The following ASCC1 variants were observed in gnomAD, a reference collection of about 807,000 sequenced individuals.
The protein encoded by ASCC1 is activating signal cointegrator 1 complex subunit 1.
A neutral mutation model predicts 46.6 loss-of-function variants in ASCC1; 35 were observed. That is an observed-to-expected ratio of 0.75 (90% CI 0.57 to 0.99). The LOEUF (loss-of-function observed/expected upper bound fraction) is 0.99, where lower values mean the gene tolerates loss of function less well. ASCC1 is among the 50% of genes least tolerant of loss of function. The pLI, the probability that ASCC1 is intolerant of heterozygous loss-of-function variation, is 0.00. For missense variants in ASCC1, 376 were observed against 428.7 expected (o/e 0.88, Z 1.09); for synonymous variants, 143 against 146.6 (o/e 0.98, Z 0.18).
intron 8 of ASCC1, among the ~76,000 whole-genome samples, chr10:72,131,873 ATTTTTTTTT>A (rs914278355): frequency 6.1e-5 from 7 of 114,960 alleles, no homozygotes; most frequent in Admixed American, 3.7e-4. Flanking sequence ...CTCTAGATAG[ATTTTTTTTT>A]TTTTTTTTTT....
chr10:72,110,025 A>T (rs530559125), intron 9 of ASCC1, among the ~76,000 whole-genome samples: 2 of 152,318 alleles, frequency 1.3e-5, no homozygotes, highest in Non-Finnish European at 2.9e-5. Context: ...TTACCTGACA[A>T]AACTGCCCCT....
At chr10:72,107,052 A>G (rs1472029302) in intron 9 of ASCC1, among the ~76,000 whole-genome samples, 2 of 152,214 alleles carry the variant, frequency 1.3e-5, no homozygotes, top group Non-Finnish European at 2.9e-5. Context: ...GGAAGATCCC[A>G]ATTGCAAAAC....
At chr10:72,138,546 C>T (rs1589303135) in intron 7 of ASCC1, among the ~76,000 whole-genome samples, 1 of 151,742 alleles carries the variant, frequency 6.6e-6, no homozygotes, top group Non-Finnish European at 1.5e-5. Context: ...GACAGAGGAA[C>T]CAGAATCCAA....
intron 9 of ASCC1, among the ~76,000 whole-genome samples, chr10:72,104,546 G>A (rs1270218139): frequency 6.6e-6 from 1 of 152,114 alleles, no homozygotes; most frequent in Non-Finnish European, 1.5e-5. Flanking sequence ...GAAAGTAACA[G>A]ACCTAACAGG....
At chr10:72,153,823 GT>G (rs1848649117) in intron 6 of ASCC1, among the ~76,000 whole-genome samples, 3 of 151,574 alleles carry the variant, frequency 2.0e-5, no homozygotes, top group Admixed American at 2.0e-4. Context: ...CTAGATTCAA[GT>G]GATTCTCCTG....
chr10:72,160,781 TAA>T (rs568875489), intron 6 of ASCC1, among the ~76,000 whole-genome samples: 17,289 of 132,150 alleles, frequency 0.13, 3,371 homozygotes, highest in African/African-American at 0.42. Flanking sequence ...TTATTTGTAT[TAA>T]AAAAAAAAAA....
intron 7 of ASCC1, chr10:72,134,185 C>T (rs1458995564): frequency 2.0e-5 from 3 of 152,234 alleles, no homozygotes; most frequent in Non-Finnish European, 4.4e-5. Flanking sequence ...CATCCCAGCA[C>T]TTTGGGAGGC....
chr10:72,176,162 C>T (rs1291295191), intron 5 of ASCC1, among the ~76,000 whole-genome samples: 1 of 152,114 alleles, frequency 6.6e-6, no homozygotes, highest in South Asian at 2.1e-4. Flanking sequence ...TGGAATATAT[C>T]CCCTCCTGAA....
chr10:72,172,774 T>TTTTTATATTATATATTATATATTATA (rs1564694207), intron 5 of ASCC1, among the ~76,000 whole-genome samples: 17 of 51,734 alleles, frequency 3.3e-4, no homozygotes, highest in South Asian at 1.3e-3. Flanking sequence ...ATATATTATA[T>TTTTTATATTATATATTATATATTATA]TTTTTATATT....
Position 72,097,364 on chromosome 10 carries a change from G to T in ASCC1, c.1044C>A (p.Tyr348Ter). The T allele has an allele frequency of 6.2e-7, 1 of 1,613,402 alleles. No homozygotes were observed. Among genetic ancestry groups the T allele is most frequent in the Non-Finnish European group, 8.5e-7 (1 of 1,179,396 alleles). ...AGAAGTCAATTTGTCCACAGGAAGCGTAGTTTCCAAAGCTGTCTACGGTGA... is the reference window on the plus strand; with the variant it reads ...AGAAGTCAATTTGTCCACAGGAAGCTTAGTTTCCAAAGCTGTCTACGGTGA... ...QRFTVDSFGN[Y>*]ASCGQIDFS Residue 348 changes from tyrosine to a stop codon, truncating the protein, a stop_gained, in exon 10 of 10, where the codon TAC (tyrosine) becomes TAA (stop). Transcript: ENST00000672957. LOFTEE classifies it high-confidence loss of function.
chr10:72,173,102 T>A (rs575021990), intron 5 of ASCC1, among the ~76,000 whole-genome samples: 1 of 150,438 alleles, frequency 6.6e-6, no homozygotes, highest in African/African-American at 2.4e-5. Context: ...ACTTAACTAG[T>A]AGAGCCAGAC....
intron 9 of ASCC1, among the ~76,000 whole-genome samples, chr10:72,103,624 G>A (rs1022406437): frequency 3.3e-5 from 5 of 152,048 alleles, no homozygotes; most frequent in East Asian, 1.9e-4. Flanking sequence ...TGAAGCAGAC[G>A]ATAAAACCTA....
chr10:72,120,866 C>T (rs1844117913), intron 9 of ASCC1, among the ~76,000 whole-genome samples: 2 of 151,458 alleles, frequency 1.3e-5, no homozygotes, highest in South Asian at 2.1e-4. Flanking sequence ...CAAGTATAAG[C>T]GATATGCTAA....
intron 6 of ASCC1, among the ~76,000 whole-genome samples, chr10:72,153,678 A>G (rs969831455): frequency 1.3e-5 from 2 of 151,754 alleles, no homozygotes; most frequent in Non-Finnish European, 2.9e-5. Context: ...TGCCCGCCTC[A>G]GCCTCCCAAA....
intron 7 of ASCC1, among the ~76,000 whole-genome samples, chr10:72,134,989 C>A (rs924905169): frequency 6.6e-6 from 1 of 152,136 alleles, no homozygotes; most frequent in African/African-American, 2.4e-5. Flanking sequence ...GCAGGAAGTG[C>A]ACATAACTCT....
At chr10:72,212,528 GTTCA>G (rs1858312123) in intron 2 of ASCC1, among the ~76,000 whole-genome samples, 1 of 152,018 alleles carries the variant, frequency 6.6e-6, no homozygotes, top group East Asian at 1.9e-4. Flanking sequence ...AAATACATAC[GTTCA>G]TTTATTTCAA....
At chr10:72,192,444 G>C (rs1854666851) in intron 5 of ASCC1, among the ~76,000 whole-genome samples, 1 of 144,862 alleles carries the variant, frequency 6.9e-6, no homozygotes, top group Non-Finnish European at 1.5e-5. Flanking sequence ...GACAGGGCGA[G>C]ACTCCGTCTC....
chr10:72,122,396 G>A (rs1844311565), intron 9 of ASCC1, among the ~76,000 whole-genome samples: 1 of 150,402 alleles, frequency 6.6e-6, no homozygotes, highest in African/African-American at 2.5e-5. Context: ...CTCCAGCCTG[G>A]GCAACAGAAC....
chr10:72,115,966 C>A (rs1299021426), intron 9 of ASCC1, among the ~76,000 whole-genome samples: 4 of 152,108 alleles, frequency 2.6e-5, no homozygotes, highest in African/African-American at 9.7e-5. Context: ...TCAAATGGCC[C>A]AATTTATGTG....
Sources: gnomAD v4.1 joint callset for allele counts (sites outside exome capture counted in the v4.1 genomes callset) on GRCh38, gnomAD v4.1.1 for gene constraint, MANE v1.5 for transcripts, NCBI Gene and HGNC (gene_info 2026-07-23, HGNC 2026-07-21) for gene names.